Variants in ATF1 observed in about 807,000 individuals in gnomAD.
ATF1 encodes cyclic AMP-dependent transcription factor ATF-1.
ATF1 carries 16 observed loss-of-function variants against 34.7 expected under a neutral mutation model. The observed-to-expected ratio is 0.46, with a 90% CI of 0.31 to 0.70. The LOEUF (loss-of-function observed/expected upper bound fraction) is 0.70, where lower values mean the gene tolerates loss of function less well. Among genes scored for constraint, ATF1 ranks in the 30% least tolerant of loss-of-function variants. The pLI is 0.05. For missense variants in ATF1, 255 were observed against 321.6 expected, an observed-to-expected ratio of 0.79 and a Z score of 1.58; for synonymous variants, 105 against 113.1, an observed-to-expected ratio of 0.93 and a Z score of 0.46.
At chr12:50,768,584 T>A (rs1446738297) in intron 1 of ATF1, among the ~76,000 whole-genome samples, 1 of 152,214 alleles carries the variant, frequency 6.6e-6, no homozygotes, top group Non-Finnish European at 1.5e-5. Context: ...CAACCACTGT[T>A]ATCATCATCA....
chr12:50,793,718 AT>A (rs2139668166), intron 2 of ATF1, among the ~76,000 whole-genome samples: 2 of 151,958 alleles, frequency 1.3e-5, no homozygotes, highest in African/African-American at 4.8e-5. Context: ...CTTAATTATT[AT>A]TGGGTTATGA....
chr12:50,768,983 T>C lies in ATF1; in HGVS notation c.-7+4676T>C, dbSNP rs1940706809. On this transcript the variant is annotated intron_variant, in intron 1 of 6. Transcript: ENST00000262053. ...CTCTTATCTGCACTTCTGCCTGGTG[T>C]GTCCTAGGCTAGGCTCCACACCTAG... is the stretch of plus-strand genomic sequence containing the variant. 4.6e-5 allele frequency among the ~76,000 whole-genome samples: 7 copies of C among 152,326 alleles called. No individual in the cohort carries two copies. In the South Asian group the frequency reaches 1.4e-3, roughly 32 times the overall value.
chr12:50,776,437 G>GA (rs1940926188), intron 1 of ATF1, among the ~76,000 whole-genome samples: 1 of 147,856 alleles, frequency 6.8e-6, no homozygotes, highest in Non-Finnish European at 1.5e-5. Flanking sequence ...AGACTGCAGT[G>GA]AGCTGTGATC....
At chr12:50,768,581 T>C (rs1326494070) in intron 1 of ATF1, among the ~76,000 whole-genome samples, 1 of 152,200 alleles carries the variant, frequency 6.6e-6, no homozygotes, top group African/African-American at 2.4e-5. Context: ...TTACAACCAC[T>C]GTTATCATCA....
chr12:50,787,443 T>C (rs1941207810), intron 2 of ATF1, among the ~76,000 whole-genome samples: 1 of 152,054 alleles, frequency 6.6e-6, no homozygotes, highest in Non-Finnish European at 1.5e-5. Flanking sequence ...ATGGAAATGT[T>C]AGAAATAAAA....
Position 50,809,501 on chromosome 12 carries a change from AGGAGAC to A in ATF1, c.246_251del (p.Asp82_Gly83del). On this transcript the variant is annotated inframe_deletion, in exon 4 of 7. Coordinates refer to ENST00000262053, the MANE Select transcript of ATF1 (RefSeq NM_005171.5). ...CTTCTGAAGATACACGGGGCAGAAA[AGGAGAC>A]GGAGAAAATTCTGGAGTTTCTGCTG... The A allele has an allele frequency of 6.2e-7, 1 of 1,613,554 alleles. No individual in the cohort carries two copies. The highest frequency in any genetic ancestry group is 8.5e-7 in the Non-Finnish European group (1 of 1,179,646).
At chr12:50,807,802 GTTTTTTTTTTGTTTT>G (rs1941645953) in intron 3 of ATF1, among the ~76,000 whole-genome samples, 1 of 141,880 alleles carries the variant, frequency 7.0e-6, no homozygotes, top group South Asian at 2.2e-4. Flanking sequence ...TTGTGTGTGT[GTTTTTTTTTTGTTTT>G]TTTTTTTTTT....
intron 4 of ATF1, among the ~76,000 whole-genome samples, chr12:50,813,313 CAT>C (rs1941775616): frequency 6.6e-6 from 1 of 152,066 alleles, no homozygotes; most frequent in Admixed American, 6.6e-5. Flanking sequence ...ACATGTAATA[CAT>C]TTAACAGTGG....
chr12:50,785,722 T>C (rs1207217318), intron 2 of ATF1, among the ~76,000 whole-genome samples: 12 of 152,058 alleles, frequency 7.9e-5, no homozygotes, highest in Non-Finnish European at 5.9e-5. Flanking sequence ...TAGGACTGAG[T>C]GCTTCAGTTT....
intron 3 of ATF1, among the ~76,000 whole-genome samples, chr12:50,801,444 T>C (rs1245621476): frequency 6.6e-6 from 1 of 152,106 alleles, no homozygotes; most frequent in East Asian, 1.9e-4. Context: ...AAAAACAGAA[T>C]AAACAGAAAG....
intron 3 of ATF1, among the ~76,000 whole-genome samples, chr12:50,807,834 G>A (rs1230096741): frequency 1.4e-5 from 2 of 143,632 alleles, no homozygotes; most frequent in Non-Finnish European, 3.0e-5. Context: ...TTTTTTGAGA[G>A]AGTCTCACTC....
At chr12:50,808,778 C>T (rs550421115) in intron 3 of ATF1, among the ~76,000 whole-genome samples, 79 of 150,974 alleles carry the variant, frequency 5.2e-4, no homozygotes, top group Admixed American at 1.5e-3. Flanking sequence ...CTCACTCTGT[C>T]GCCCAGGCTG....
intron 1 of ATF1, among the ~76,000 whole-genome samples, chr12:50,768,688 C>A (rs1414413547): frequency 6.6e-6 from 1 of 152,094 alleles, no homozygotes; most frequent in Non-Finnish European, 1.5e-5. Flanking sequence ...ACATTTAAAT[C>A]AAATATTTTG....
intron 6 of ATF1, among the ~76,000 whole-genome samples, chr12:50,818,678 T>C (rs1249203494): frequency 2.6e-5 from 4 of 152,146 alleles, no homozygotes; most frequent in Non-Finnish European, 4.4e-5. Context: ...GGCGCGATCT[T>C]GGCTCACTGC....
chr12:50,772,895 C>G (rs1029800565), intron 1 of ATF1, among the ~76,000 whole-genome samples: 1 of 152,132 alleles, frequency 6.6e-6, no homozygotes, highest in Non-Finnish European at 1.5e-5. Flanking sequence ...ATTAGCTGTT[C>G]TTCCTGATGC....
chr12:50,817,163 T>C (rs1941860725), intron 6 of ATF1, among the ~76,000 whole-genome samples: 1 of 152,140 alleles, frequency 6.6e-6, no homozygotes, highest in African/African-American at 2.4e-5. Context: ...TCTGTGTGAC[T>C]GAGAGGAACT....
chr12:50,809,918 C>T (rs964122418), intron 4 of ATF1, among the ~76,000 whole-genome samples: 2 of 152,224 alleles, frequency 1.3e-5, no homozygotes, highest in Non-Finnish European at 2.9e-5. Context: ...ACTGCAACCT[C>T]TGCCTTCCCG....
intron 2 of ATF1, among the ~76,000 whole-genome samples, chr12:50,781,575 C>T (rs1402728227): frequency 1.3e-5 from 2 of 151,958 alleles, no homozygotes; most frequent in African/African-American, 2.4e-5. Context: ...TTCAGCCTCC[C>T]GAGTAGCTGG....
intron 4 of ATF1, among the ~76,000 whole-genome samples, chr12:50,811,852 CAG>C (rs1163820745): frequency 6.6e-6 from 1 of 152,040 alleles, no homozygotes; most frequent in Non-Finnish European, 1.5e-5. Flanking sequence ...AGCTTGGGAG[CAG>C]AGATCAGAGG....
Sources: gnomAD v4.1 joint callset for allele counts (sites outside exome capture counted in the v4.1 genomes callset) on GRCh38, gnomAD v4.1.1 for gene constraint, MANE v1.5 for transcripts, NCBI Gene and HGNC (gene_info 2026-07-23, HGNC 2026-07-21) for gene names.